Variants in CXADR observed in about 807,000 individuals in gnomAD.
CXADR encodes coxsackievirus and adenovirus receptor.
In CXADR, 20 loss-of-function variants were observed where a neutral mutation model predicts 40.3. The ratio of observed to expected loss-of-function variants is 0.50; its 90% CI spans 0.35 to 0.72. CXADR has a LOEUF of 0.72. Among genes scored for constraint, CXADR ranks in the 30% least tolerant of loss-of-function variants. CXADR has a pLI of 0.01. For missense variants in CXADR, 332 were observed against 449.1 expected (o/e 0.74, Z 2.36); for synonymous variants, 150 against 161.3 (o/e 0.93, Z 0.53).
At chr21:17,623,035 C>T in the CXADR span, among the ~76,000 whole-genome samples, 1 of 151,938 alleles carries the variant, frequency 6.6e-6, no homozygotes, top group African/African-American at 2.4e-5. Context: ...GTGTCACCCA[C>T]CTCAAGCAAT....
At chr21:17,626,164 C>A in the CXADR span, among the ~76,000 whole-genome samples, 1 of 152,080 alleles carries the variant, frequency 6.6e-6, no homozygotes, top group Non-Finnish European at 1.5e-5. Context: ...TTTTCATATA[C>A]GGACAGACTA....
chr21:17,613,017 C>G, the CXADR span: 1 of 151,880 alleles, frequency 6.6e-6, no homozygotes, highest in Non-Finnish European at 1.5e-5. Context: ...GGGGCGGTGC[C>G]GGGGGCGGGG....
intron 7 of CXADR, among the ~76,000 whole-genome samples, chr21:17,592,609 TGTGATGACTCTGAAA>T (rs2061448299): frequency 6.6e-6 from 1 of 151,904 alleles, no homozygotes. Context: ...AAGGAAGCAG[TGTGATGACTCTGAAA>T]GTAATTTTTT....
At chr21:17,558,554 C>T (rs1209169072) in intron 3 of CXADR, among the ~76,000 whole-genome samples, 3 of 152,044 alleles carry the variant, frequency 2.0e-5, no homozygotes, top group Non-Finnish European at 2.9e-5. Flanking sequence ...AGGGTTATGG[C>T]GCCTAGAGGG....
rs1415399174 is a variant in CXADR, at chr21:17,547,067, G to T, written c.84G>T (p.Met28Ile). Residue 28 changes from methionine to isoleucine, a missense_variant, in exon 2 of 7, where the codon ATG (methionine) becomes ATT (isoleucine). Transcript: ENST00000284878. ...TGAGTATCACTACTCCTGAAGAGAT[G>T]ATTGAAAAAGCCAAAGGGGAAACTG... The part of the protein sequence containing the change: ...RSLSITTPEE[M>I]IEKAKGETAY... 2.5e-6 allele frequency: 4 copies of T among 1,613,490 alleles called. No homozygotes were observed. Among genetic ancestry groups the T allele is most frequent in the Non-Finnish European group, 3.4e-6 (4 of 1,179,922 alleles).
chr21:17,546,220 T>G (rs1295389123), intron 1 of CXADR, among the ~76,000 whole-genome samples: 1 of 152,216 alleles, frequency 6.6e-6, no homozygotes, highest in Admixed American at 6.5e-5. Context: ...AAAGAAGCCT[T>G]AGCAGAAACT....
chr21:17,558,948 TA>T (rs1440957506), intron 3 of CXADR, 27 bp from the exon 4 acceptor site: 1 of 1,589,632 alleles, frequency 6.3e-7, no homozygotes, highest in East Asian at 2.2e-5. Context: ...TTCTCTTATG[TA>T]AATTTATAAT....
chr21:17,594,481 A>C, downstream of CXADR: 1 of 918,862 alleles, frequency 1.1e-6, no homozygotes, highest in Non-Finnish European at 1.6e-6. Context: ...TACATTAAAA[A>C]CCTCATGTGT....
the CXADR span, among the ~76,000 whole-genome samples, chr21:17,604,625 C>G: frequency 8.2e-4 from 125 of 152,270 alleles, 1 homozygote; most frequent in African/African-American, 2.7e-3. Context: ...AGCTTCTTGG[C>G]AAAGCACTAC....
intron 2 of CXADR, among the ~76,000 whole-genome samples, chr21:17,549,808 C>G (rs1031535683): frequency 6.6e-6 from 1 of 152,112 alleles, no homozygotes; most frequent in African/African-American, 2.4e-5. Flanking sequence ...ACTCTACGAC[C>G]TTTAGAGTTA....
At chr21:17,533,793 G>C (rs2060708425) in intron 1 of CXADR, among the ~76,000 whole-genome samples, 2 of 151,580 alleles carry the variant, frequency 1.3e-5, no homozygotes, top group Non-Finnish European at 2.9e-5. Context: ...TAGGGAGCTG[G>C]GAATTGATAT....
At chr21:17,583,199 ATC>A (rs1273721688) in intron 7 of CXADR, among the ~76,000 whole-genome samples, 1 of 152,220 alleles carries the variant, frequency 6.6e-6, no homozygotes, top group Non-Finnish European at 1.5e-5. Flanking sequence ...AAAAGATACT[ATC>A]TGCTGTGTTC....
chr21:17,607,247 G>A, the CXADR span, among the ~76,000 whole-genome samples: 2 of 151,972 alleles, frequency 1.3e-5, no homozygotes, highest in Non-Finnish European at 2.9e-5. Flanking sequence ...ATATTTACTT[G>A]ACAGTGCCTC....
the CXADR span, among the ~76,000 whole-genome samples, chr21:17,629,843 A>C: frequency 6.6e-6 from 1 of 152,148 alleles, no homozygotes; most frequent in African/African-American, 2.4e-5. Flanking sequence ...AAATAAATAA[A>C]TAAATAAAAC....
At chr21:17,591,978 A>G (rs879479270) in intron 7 of CXADR, among the ~76,000 whole-genome samples, 12 of 152,086 alleles carry the variant, frequency 7.9e-5, no homozygotes, top group Admixed American at 1.3e-4. Context: ...TTTGCTCTAA[A>G]TAAGTTTCAG....
At chr21:17,579,319 C>G (rs1279590264) in intron 7 of CXADR, among the ~76,000 whole-genome samples, 1 of 151,518 alleles carries the variant, frequency 6.6e-6, no homozygotes, top group African/African-American at 2.4e-5. Flanking sequence ...GAGTCTCACC[C>G]TGTCACCCAG....
chr21:17,548,438 A>G (rs1283183996), intron 2 of CXADR, among the ~76,000 whole-genome samples: 1 of 152,114 alleles, frequency 6.6e-6, no homozygotes, highest in Non-Finnish European at 1.5e-5. Flanking sequence ...GACTCATTTT[A>G]TCTACTCAGC....
chr21:17,613,056 G>C, the CXADR span: 3 of 151,910 alleles, frequency 2.0e-5, no homozygotes, highest in East Asian at 1.9e-4. Flanking sequence ...CCCGAGCCCC[G>C]GGCCTAGCCG....
intron 1 of CXADR, among the ~76,000 whole-genome samples, chr21:17,524,286 C>T (rs1003292825): frequency 2.0e-5 from 3 of 151,810 alleles, no homozygotes. Context: ...CAGGGCCAGG[C>T]GTGGTGGCTC....
Sources: gnomAD v4.1 joint callset for allele counts (sites outside exome capture counted in the v4.1 genomes callset) on GRCh38, gnomAD v4.1.1 for gene constraint, MANE v1.5 for transcripts, NCBI Gene and HGNC (gene_info 2026-07-23, HGNC 2026-07-21) for gene names.